The following KCTD16 variants were observed in gnomAD, a reference collection of about 807,000 sequenced individuals.
KCTD16 encodes the protein potassium channel tetramerization domain containing 16.
In KCTD16, 13 loss-of-function variants were observed where a neutral mutation model predicts 33.2. The ratio of observed to expected loss-of-function variants is 0.39; its 90% confidence interval spans 0.25 to 0.62. The LOEUF is 0.62. Ranked by LOEUF, KCTD16 falls within the 20% of genes least tolerant of loss-of-function variation. The pLI is 0.50. For missense variants in KCTD16, 441 were observed against 525.1 expected, an observed-to-expected ratio of 0.84 and a Z score of 1.57; for synonymous variants, 197 against 195.3, an observed-to-expected ratio of 1.01 and a Z score of -0.07.
intron 3 of KCTD16, among the ~76,000 whole-genome samples, chr5:144,328,765 C>T (rs900997772): frequency 1.3e-5 from 2 of 151,974 alleles, no homozygotes; most frequent in Non-Finnish European, 2.9e-5. Flanking sequence ...GGGTTTTGCC[C>T]GCCTGCTTTA....
At chr5:144,360,252 C>A (rs948852914) in intron 3 of KCTD16, among the ~76,000 whole-genome samples, 1 of 152,106 alleles carries the variant, frequency 6.6e-6, no homozygotes, top group Non-Finnish European at 1.5e-5. Context: ...CCTCCCCTAG[C>A]CTCCTACCCC....
chr5:144,283,753 T>C (rs1755668615), intron 3 of KCTD16, among the ~76,000 whole-genome samples: 1 of 152,170 alleles, frequency 6.6e-6, no homozygotes, highest in African/African-American at 2.4e-5. Context: ...TGCTGAATAC[T>C]ACTGTTTGGT....
At chr5:144,264,607 A>G (rs561560214) in intron 3 of KCTD16, among the ~76,000 whole-genome samples, 2 of 152,208 alleles carry the variant, frequency 1.3e-5, no homozygotes, top group African/African-American at 4.8e-5. Flanking sequence ...TAAAAAAAAC[A>G]TAGAAAATGT....
intron 2 of KCTD16, among the ~76,000 whole-genome samples, chr5:144,175,154 A>T (rs933747314): frequency 2.6e-5 from 4 of 152,222 alleles, no homozygotes; most frequent in Admixed American, 6.5e-5. Flanking sequence ...CATTTCTTTA[A>T]GCACTTTGCA....
intron 3 of KCTD16, among the ~76,000 whole-genome samples, chr5:144,280,700 G>A (rs1424646366): frequency 6.6e-6 from 1 of 152,166 alleles, no homozygotes; most frequent in African/African-American, 2.4e-5. Flanking sequence ...CAAGGCGGGC[G>A]GATCACGAGG....
intron 3 of KCTD16, among the ~76,000 whole-genome samples, chr5:144,276,608 T>C (rs1755443648): frequency 6.6e-6 from 1 of 152,194 alleles, no homozygotes; most frequent in South Asian, 2.1e-4. Context: ...TCATTCCCTA[T>C]TGAAACTCTA....
chr5:144,248,125 T>A (rs1460719045), intron 3 of KCTD16, among the ~76,000 whole-genome samples: 12 of 152,116 alleles, frequency 7.9e-5, no homozygotes, highest in Non-Finnish European at 2.9e-5. Flanking sequence ...AGATAAATAA[T>A]CAAAATATAC....
At chr5:144,432,178 A>G (rs759488154) in intron 3 of KCTD16, among the ~76,000 whole-genome samples, 1 of 152,158 alleles carries the variant, frequency 6.6e-6, no homozygotes, top group Non-Finnish European at 1.5e-5. Context: ...TTCATTTTAT[A>G]ATGAAACCAA....
intron 3 of KCTD16, among the ~76,000 whole-genome samples, chr5:144,290,275 G>T (rs540313216): frequency 2.6e-5 from 4 of 152,110 alleles, no homozygotes; most frequent in Non-Finnish European, 5.9e-5. Context: ...TCTAGCCTGG[G>T]CAAGAGAGCA....
At chr5:144,293,443 TAGAA>T (rs1755950260) in intron 3 of KCTD16, among the ~76,000 whole-genome samples, 1 of 152,226 alleles carries the variant, frequency 6.6e-6, no homozygotes, top group Non-Finnish European at 1.5e-5. Flanking sequence ...ATGGCTTTTC[TAGAA>T]ATTTAAATTA....
intron 3 of KCTD16, among the ~76,000 whole-genome samples, chr5:144,241,137 C>T (rs984460404): frequency 3.9e-5 from 6 of 152,164 alleles, no homozygotes; most frequent in African/African-American, 1.2e-4. Context: ...TAAACTCACT[C>T]GAAGTGTCTT....
intron 3 of KCTD16, among the ~76,000 whole-genome samples, chr5:144,401,910 G>C (rs1162714530): frequency 6.6e-6 from 1 of 152,138 alleles, no homozygotes; most frequent in African/African-American, 2.4e-5. Flanking sequence ...TATGAATCTA[G>C]GCATGTTGGA....
chr5:144,310,289 A>G (rs1751727884), intron 3 of KCTD16, among the ~76,000 whole-genome samples: 1 of 152,064 alleles, frequency 6.6e-6, no homozygotes, highest in Non-Finnish European at 1.5e-5. Flanking sequence ...TTTTCTTTAT[A>G]CAATCATTGT....
At chr5:144,471,210 C>A (rs1754464737) in intron 3 of KCTD16, among the ~76,000 whole-genome samples, 1 of 152,056 alleles carries the variant, frequency 6.6e-6, no homozygotes, top group African/African-American at 2.4e-5. Flanking sequence ...CAACAAAAAA[C>A]CCCAAACAAA....
intron 3 of KCTD16, among the ~76,000 whole-genome samples, chr5:144,308,879 T>C (rs766146934): frequency 6.6e-6 from 1 of 151,808 alleles, no homozygotes; most frequent in Non-Finnish European, 1.5e-5. Context: ...GGAAGAGTAT[T>C]ATATTGAGCA....
chr5:144,184,884 G>A (rs535903204), intron 2 of KCTD16, among the ~76,000 whole-genome samples: 4 of 147,230 alleles, frequency 2.7e-5, no homozygotes, highest in Non-Finnish European at 4.6e-5. Flanking sequence ...TACTTCCTCT[G>A]TCTACAGAAA....
intron 3 of KCTD16, among the ~76,000 whole-genome samples, chr5:144,266,300 G>A (rs1397039616): frequency 1.3e-5 from 2 of 152,162 alleles, no homozygotes; most frequent in East Asian, 3.9e-4. Context: ...GAGACACCTT[G>A]ACTGGATAGC....
chr5:144,285,812 C>G (rs1347155003), intron 3 of KCTD16, among the ~76,000 whole-genome samples: 1 of 152,114 alleles, frequency 6.6e-6, no homozygotes, highest in Non-Finnish European at 1.5e-5. Context: ...CTACAACACA[C>G]TTGCAGGAAA....
At chr5:144,417,746 T>C (rs1753100096) in intron 3 of KCTD16, among the ~76,000 whole-genome samples, 3 of 152,204 alleles carry the variant, frequency 2.0e-5, no homozygotes, top group South Asian at 4.1e-4. Context: ...CCTATGTTCA[T>C]TGATCCTTTT....
Sources: gnomAD v4.1 joint callset for allele counts (sites outside exome capture counted in the v4.1 genomes callset) on GRCh38, gnomAD v4.1.1 for gene constraint, MANE v1.5 for transcripts, NCBI Gene and HGNC (gene_info 2026-07-23, HGNC 2026-07-21) for gene names.